PLXDC2: variants seen among roughly 807,000 people sequenced by gnomAD.
PLXDC2 encodes plexin domain-containing protein 2.
PLXDC2 carries 40 observed loss-of-function variants against 68.9 expected under a neutral mutation model. The observed-to-expected ratio is 0.58, with a 90% CI of 0.45 to 0.76. The LOEUF (loss-of-function observed/expected upper bound fraction) is 0.76. PLXDC2 is among the 30% of genes least tolerant of loss of function. The pLI, the probability that PLXDC2 is intolerant of heterozygous loss-of-function variation, is 0.00. For synonymous variants in PLXDC2, 243 were observed against 234.2 expected, an observed-to-expected ratio of 1.04 and a Z score of -0.34; for missense variants, 644 against 661.9, an observed-to-expected ratio of 0.97 and a Z score of 0.30.
chr10:20,243,277 C>G (rs1835541903), intron 12 of PLXDC2, among the ~76,000 whole-genome samples: 1 of 152,078 alleles, frequency 6.6e-6, no homozygotes, highest in Admixed American at 6.6e-5. Context: ...CCTCAATTTC[C>G]TTACCTATAA....
intron 1 of PLXDC2, among the ~76,000 whole-genome samples, chr10:19,822,091 G>A (rs1177116237): frequency 6.6e-6 from 1 of 151,524 alleles, no homozygotes; most frequent in South Asian, 2.1e-4. Flanking sequence ...ATCACAAATA[G>A]CAAGATCTTC....
At chr10:20,131,264 G>A (rs567024025) in intron 4 of PLXDC2, among the ~76,000 whole-genome samples, 8 of 151,134 alleles carry the variant, frequency 5.3e-5, no homozygotes, top group Non-Finnish European at 7.4e-5. Flanking sequence ...CTGTTCCGAC[G>A]TGGTAATATG....
At chr10:19,910,853 A>G (rs1172790799) in intron 1 of PLXDC2, among the ~76,000 whole-genome samples, 1 of 151,878 alleles carries the variant, frequency 6.6e-6, no homozygotes, top group African/African-American at 2.4e-5. Flanking sequence ...CACTAAAAAT[A>G]CAAAAAATTA....
At chr10:20,206,646 G>A (rs1834996703) in intron 9 of PLXDC2, among the ~76,000 whole-genome samples, 1 of 152,114 alleles carries the variant, frequency 6.6e-6, no homozygotes, top group Non-Finnish European at 1.5e-5. Flanking sequence ...AGAGTGGTAA[G>A]AATCCCCTGA....
At chr10:20,268,966 A>T (rs1835903200) in intron 13 of PLXDC2, among the ~76,000 whole-genome samples, 1 of 152,220 alleles carries the variant, frequency 6.6e-6, no homozygotes. Flanking sequence ...AAAAATAAAG[A>T]TATGCTGCTT....
rs543593521 is a variant in PLXDC2 at position 20,161,596 on chromosome 10, A to G, written c.784-2872A>G. On this transcript the variant is annotated intron_variant, in intron 6 of 13. Transcript: ENST00000377252. ...CATTACTGCAATCAACCCACCACCA[A>G]TAAAAAGCACTGGAGGAGAGGGCTT... is the stretch of plus-strand genomic sequence containing the variant. Among the ~76,000 whole-genome samples, 434 of 152,186 alleles carry G rather than the reference A, an allele frequency of 2.9e-3. 3 individuals are homozygous for G. The highest frequency in any genetic ancestry group is 4.0e-3 in the Non-Finnish European group (269 of 68,000).
intron 1 of PLXDC2, among the ~76,000 whole-genome samples, chr10:19,963,675 C>T (rs1343048987): frequency 3.3e-5 from 5 of 151,782 alleles, no homozygotes; most frequent in African/African-American, 4.8e-5. Flanking sequence ...CATCACACAC[C>T]GGGGCCTGTT....
At chr10:20,218,701 T>C (rs1455563077) in intron 11 of PLXDC2, among the ~76,000 whole-genome samples, 1 of 148,254 alleles carries the variant, frequency 6.7e-6, no homozygotes, top group Non-Finnish European at 1.5e-5. Context: ...TTCCTTGATC[T>C]TGATTTTTTA....
intron 2 of PLXDC2, among the ~76,000 whole-genome samples, chr10:20,010,526 T>A (rs538723256): frequency 1.3e-5 from 2 of 152,266 alleles, no homozygotes; most frequent in South Asian, 4.1e-4. Flanking sequence ...GAAACAAAAA[T>A]GGAAAAAATC....
intron 1 of PLXDC2, among the ~76,000 whole-genome samples, chr10:19,840,032 T>C (rs1188109156): frequency 6.6e-6 from 1 of 152,234 alleles, no homozygotes; most frequent in African/African-American, 2.4e-5. Flanking sequence ...TCCTGTGTAA[T>C]GTTACTGGAA....
In PLXDC2 at chr10:20,281,823, A is replaced by G. The variant is rs933897920; in HGVS notation, c.*2004A>G. On this transcript the variant is annotated 3_prime_UTR_variant, in exon 14 of 14. Transcript: ENST00000377252. ...TACTGGTGCAACTGGTATTCTACAA[A>G]TGCATAAGGAACACATAGACGACTT... 1 of 152,112 alleles carries G rather than the reference A, an allele frequency of 6.6e-6. No homozygotes were observed. Among genetic ancestry groups the G allele is most frequent in the Non-Finnish European group, 1.5e-5 (1 of 68,016 alleles). 9.4% of individuals were successfully genotyped at this position (152,112 alleles called of 1,614,324 possible).
At chr10:20,089,169 CGTGTGTGTGTGTGTGTGTGTGT>C (rs34167804) in intron 4 of PLXDC2, among the ~76,000 whole-genome samples, 4 of 142,686 alleles carry the variant, frequency 2.8e-5, no homozygotes, top group South Asian at 2.3e-4. Context: ...CCTGTATATA[CGTGTGTGTGTGTGTGTGTGTGT>C]GTGTGTGTGT....
intron 1 of PLXDC2, among the ~76,000 whole-genome samples, chr10:19,894,754 G>A (rs767894950): frequency 9.9e-5 from 15 of 152,124 alleles, no homozygotes; most frequent in Admixed American, 9.2e-4. Context: ...CAGTTAGAAT[G>A]GAGATCATTA....
intron 1 of PLXDC2, among the ~76,000 whole-genome samples, chr10:19,839,418 T>C (rs1836863482): frequency 6.6e-6 from 1 of 152,170 alleles, no homozygotes; most frequent in South Asian, 2.1e-4. Context: ...GCTTTACGTG[T>C]GTCCCAGGAC....
chr10:20,238,601 C>T (rs1040142825), intron 12 of PLXDC2, among the ~76,000 whole-genome samples: 2 of 139,760 alleles, frequency 1.4e-5, no homozygotes, highest in Non-Finnish European at 3.1e-5. Context: ...GAGCCGAGAT[C>T]GCACCACTGC....
intron 12 of PLXDC2, among the ~76,000 whole-genome samples, chr10:20,237,095 A>G (rs1291418454): frequency 6.6e-6 from 1 of 151,994 alleles, no homozygotes; most frequent in Non-Finnish European, 1.5e-5. Context: ...GCCCGATAGT[A>G]GGACAGACTG....
chr10:20,076,880 T>C (rs940895098), intron 4 of PLXDC2, among the ~76,000 whole-genome samples: 4 of 152,194 alleles, frequency 2.6e-5, no homozygotes, highest in Non-Finnish European at 5.9e-5. Context: ...TGATGACATT[T>C]TGGGACTCTG....
intron 4 of PLXDC2, among the ~76,000 whole-genome samples, chr10:20,093,381 A>G (rs1833306772): frequency 6.6e-6 from 1 of 152,112 alleles, no homozygotes; most frequent in African/African-American, 2.4e-5. Flanking sequence ...ATCTATATTA[A>G]TATTTTGACT....
chr10:19,882,585 G>C (rs111812578), intron 1 of PLXDC2, among the ~76,000 whole-genome samples: 5 of 152,156 alleles, frequency 3.3e-5, no homozygotes, highest in African/African-American at 7.2e-5. Context: ...TGGATGTCAC[G>C]AAGCTATGTG....
Sources: allele counts gnomAD v4.1 joint callset (sites outside exome capture counted in the v4.1 genomes callset), GRCh38; gene constraint gnomAD v4.1.1; transcripts MANE v1.5; gene names NCBI Gene and HGNC (gene_info 2026-07-23, HGNC 2026-07-21).